The following PLD5 variants were observed in gnomAD, a reference collection of about 807,000 sequenced individuals.
PLD5 encodes phospholipase D family member 5, also known as inactive phospholipase D5.
PLD5 carries 36 observed loss-of-function variants against 61.1 expected under a neutral mutation model. That is an observed-to-expected ratio of 0.59 (90% CI 0.45 to 0.78). The LOEUF (loss-of-function observed/expected upper bound fraction) is 0.78, where lower values mean the gene tolerates loss of function less well. Ranked by LOEUF, PLD5 falls within the 30% of genes least tolerant of loss-of-function variation. The pLI is 0.00. For missense variants in PLD5, 515 were observed against 644.4 expected, an observed-to-expected ratio of 0.80 and a Z score of 2.17; for synonymous variants, 243 against 242.8, an observed-to-expected ratio of 1.00 and a Z score of -0.01.
chr1:242,324,615 C>T (rs1461559269), intron 2 of PLD5, among the ~76,000 whole-genome samples: 4 of 152,126 alleles, frequency 2.6e-5, no homozygotes, highest in African/African-American at 9.7e-5. Flanking sequence ...GAGGACCACA[C>T]CTCCCTTTTA....
chr1:242,282,670 A>AT (rs982687568), intron 3 of PLD5, among the ~76,000 whole-genome samples: 99 of 149,118 alleles, frequency 6.6e-4, no homozygotes, highest in Non-Finnish European at 9.5e-4. Flanking sequence ...AGAGTGTGAG[A>AT]TTTTTTTTTT....
At chr1:242,141,881 G>A (rs1228799042) in intron 5 of PLD5, among the ~76,000 whole-genome samples, 2 of 152,200 alleles carry the variant, frequency 1.3e-5, no homozygotes, top group Non-Finnish European at 2.9e-5. Context: ...CTGACATTTT[G>A]TGAGTTCCTC....
At chr1:242,157,251 G>A (rs560358230) in intron 5 of PLD5, among the ~76,000 whole-genome samples, 10 of 152,170 alleles carry the variant, frequency 6.6e-5, no homozygotes, top group South Asian at 6.2e-4. Context: ...TTAGCAATTC[G>A]TCTAACCTTT....
intron 1 of PLD5, among the ~76,000 whole-genome samples, chr1:242,467,608 G>A (rs1490919022): frequency 6.6e-6 from 1 of 152,160 alleles, no homozygotes; most frequent in Admixed American, 6.5e-5. Flanking sequence ...GCAGAGTTAT[G>A]AATACAGAAA....
intron 2 of PLD5, among the ~76,000 whole-genome samples, chr1:242,294,828 A>T (rs1026011999): frequency 6.6e-6 from 1 of 152,208 alleles, no homozygotes; most frequent in Admixed American, 6.5e-5. Flanking sequence ...AAGTTTTCAA[A>T]CTCATAAAGC....
At chr1:242,252,109 G>C (rs886555885) in intron 4 of PLD5, among the ~76,000 whole-genome samples, 2 of 152,086 alleles carry the variant, frequency 1.3e-5, no homozygotes, top group African/African-American at 4.8e-5. Flanking sequence ...GAAGTTAGTT[G>C]AATTACCAAG....
intron 4 of PLD5, among the ~76,000 whole-genome samples, chr1:242,231,209 G>A (rs1671279381): frequency 2.0e-5 from 3 of 152,216 alleles, no homozygotes; most frequent in Admixed American, 6.5e-5. Flanking sequence ...CACGTGCTAC[G>A]GCTTCCTCCC....
intron 3 of PLD5, among the ~76,000 whole-genome samples, chr1:242,273,045 T>C (rs2149115196): frequency 6.6e-6 from 1 of 152,260 alleles, no homozygotes; most frequent in South Asian, 2.1e-4. Flanking sequence ...CGGCATGCAT[T>C]AGGTATTTGT....
intron 5 of PLD5, among the ~76,000 whole-genome samples, chr1:242,172,568 A>G (rs1666828912): frequency 6.6e-6 from 1 of 152,092 alleles, no homozygotes; most frequent in Admixed American, 6.6e-5. Flanking sequence ...AAAACCCTTC[A>G]AAAAAATCAA....
intron 1 of PLD5, among the ~76,000 whole-genome samples, chr1:242,468,774 A>G (rs1004497965): frequency 3.3e-5 from 5 of 152,116 alleles, no homozygotes; most frequent in African/African-American, 1.2e-4. Context: ...ATGGTATTTC[A>G]CAAAATAATA....
intron 1 of PLD5, among the ~76,000 whole-genome samples, chr1:242,515,293 A>G (rs1669070084): frequency 6.6e-6 from 1 of 151,668 alleles, no homozygotes; most frequent in East Asian, 1.9e-4. Context: ...GCTCACTGCA[A>G]CCTCCACCTC....
At chr1:242,474,545 TCTCC>T in intron 1 of PLD5, among the ~76,000 whole-genome samples, 1 of 152,146 alleles carries the variant, frequency 6.6e-6, no homozygotes, top group East Asian at 1.9e-4. Context: ...CCTAAACTGG[TCTCC>T]CTGTCATTTT....
chr1:242,325,598 AGTT>A (rs1009323512), intron 2 of PLD5, among the ~76,000 whole-genome samples: 24 of 152,004 alleles, frequency 1.6e-4, no homozygotes, highest in African/African-American at 1.9e-4. Flanking sequence ...GCTGGGTTCA[AGTT>A]GTTGTTTTTT....
intron 1 of PLD5, among the ~76,000 whole-genome samples, chr1:242,490,665 T>A (rs1257236109): frequency 1.3e-5 from 2 of 152,226 alleles, no homozygotes; most frequent in Non-Finnish European, 2.9e-5. Flanking sequence ...TCAGCAACCT[T>A]TGTGTAGAAC....
At chr1:242,170,695 T>C (rs1666683291) in intron 5 of PLD5, among the ~76,000 whole-genome samples, 1 of 152,046 alleles carries the variant, frequency 6.6e-6, no homozygotes, top group South Asian at 2.1e-4. Context: ...GAATAACCAG[T>C]TTAGAGAAGA....
intron 3 of PLD5, among the ~76,000 whole-genome samples, chr1:242,287,941 A>G (rs1174043480): frequency 1.3e-5 from 2 of 152,230 alleles, no homozygotes; most frequent in African/African-American, 2.4e-5. Context: ...TGGGTGAATT[A>G]TAACTTGAAA....
chr1:242,473,875 T>G (rs758790351), intron 1 of PLD5, among the ~76,000 whole-genome samples: 1 of 152,168 alleles, frequency 6.6e-6, no homozygotes, highest in African/African-American at 2.4e-5. Flanking sequence ...TAGACAATAA[T>G]GAGTACCACT....
At chr1:242,307,252 G>T (rs1219821799) in intron 2 of PLD5, among the ~76,000 whole-genome samples, 3 of 152,030 alleles carry the variant, frequency 2.0e-5, no homozygotes, top group Non-Finnish European at 4.4e-5. Context: ...TGAAATCAAG[G>T]GATGGTCAAA....
intron 4 of PLD5, among the ~76,000 whole-genome samples, chr1:242,233,593 C>T (rs187747896): frequency 1.3e-5 from 2 of 151,992 alleles, no homozygotes; most frequent in East Asian, 1.9e-4. Flanking sequence ...GGAGGGCTGG[C>T]GGCAGGCATG....
Sources: allele counts gnomAD v4.1 joint callset (sites outside exome capture counted in the v4.1 genomes callset), GRCh38; gene constraint gnomAD v4.1.1; transcripts MANE v1.5; gene names NCBI Gene and HGNC (gene_info 2026-07-23, HGNC 2026-07-21).